The following JPH3 variants were observed in gnomAD, a reference collection of about 807,000 sequenced individuals.
JPH3 encodes junctophilin-3.
In JPH3, 11 loss-of-function variants were observed where a neutral mutation model predicts 59.6. The observed-to-expected ratio is 0.18, with a 90% CI of 0.12 to 0.31. The LOEUF is 0.31. Ranked by LOEUF, JPH3 falls within the 10% of genes least tolerant of loss-of-function variation. JPH3 has a pLI of 1.00. For missense variants in JPH3, 1,202 were observed against 1,105.7 expected (o/e 1.09, Z -1.24); for synonymous variants, 673 against 483.6 (o/e 1.39, Z -5.14).
chr16:87,679,580 G>T (rs891217954), intron 2 of JPH3, among the ~76,000 whole-genome samples: 1 of 151,676 alleles, frequency 6.6e-6, no homozygotes, highest in Non-Finnish European at 1.5e-5. Flanking sequence ...TTAAAACCCT[G>T]CCAATCCTTG....
At chr16:87,648,395 G>A (rs1041275570) in intron 2 of JPH3, among the ~76,000 whole-genome samples, 8 of 152,206 alleles carry the variant, frequency 5.3e-5, no homozygotes, top group African/African-American at 1.7e-4. Flanking sequence ...GACTGGCCCC[G>A]GGCGGGCTCC....
intron 1 of JPH3, among the ~76,000 whole-genome samples, chr16:87,619,758 G>A (rs1007499785): frequency 6.6e-6 from 1 of 152,258 alleles, no homozygotes; most frequent in African/African-American, 2.4e-5. Context: ...CCTGGGGACA[G>A]TGGTGAACAA....
At chr16:87,663,889 C>G (rs115164590) in intron 2 of JPH3, among the ~76,000 whole-genome samples, 10,060 of 152,208 alleles carry the variant, frequency 0.066, 1,123 homozygotes, top group African/African-American at 0.23. Flanking sequence ...CATTCCCCAA[C>G]AAGCCCTGTG....
intron 1 of JPH3, among the ~76,000 whole-genome samples, chr16:87,636,358 G>A (rs982513798): frequency 5.9e-5 from 9 of 152,218 alleles, no homozygotes; most frequent in African/African-American, 1.9e-4. Context: ...CAGACTTTTT[G>A]TTTACTTAAT....
At chr16:87,683,608 C>T (rs2033347447) in intron 2 of JPH3, among the ~76,000 whole-genome samples, 1 of 145,982 alleles carries the variant, frequency 6.9e-6, no homozygotes, top group South Asian at 2.2e-4. Flanking sequence ...CCAGCCCCTC[C>T]CCTTTTTTTT....
At chr16:87,673,573 A>C (rs1003228363) in intron 2 of JPH3, among the ~76,000 whole-genome samples, 1 of 152,220 alleles carries the variant, frequency 6.6e-6, no homozygotes, top group African/African-American at 2.4e-5. Flanking sequence ...ATAGGAGAAC[A>C]TGGAAGACAG....
rs561367443 is a variant in JPH3 at position 87,683,754 on chromosome 16, G to A, written c.1161-388G>A. ...CCCGAGTAGCTGGGACCACAGATGC[G>A]TGCCATCACACCCAGCTAATTTTGT... is the stretch of plus-strand genomic sequence containing the variant. On this transcript the variant is annotated intron_variant, in intron 2 of 4. Transcript: ENST00000284262. Among the ~76,000 whole-genome samples the A allele has an allele frequency of 4.6e-5, 7 of 152,240 alleles. No homozygotes were observed. The South Asian group carries it at 8.3e-4, about 18-fold the overall frequency.
intron 1 of JPH3, among the ~76,000 whole-genome samples, chr16:87,618,609 C>T (rs985328007): frequency 5.9e-5 from 9 of 152,198 alleles, no homozygotes; most frequent in Non-Finnish European, 8.8e-5. Context: ...TACTCGTTCC[C>T]GCCAGCAGCA....
In JPH3 at chr16:87,613,646, T is replaced by G. The variant is rs186508827; in HGVS notation, c.382+10118T>G. Among the ~76,000 whole-genome samples the G allele has an allele frequency of 2.8e-3, 426 of 152,274 alleles. 1 individual carries two copies. Among genetic ancestry groups the G allele is most frequent in the African/African-American group, 8.8e-3 (365 of 41,558 alleles). On this transcript the variant is annotated intron_variant, in intron 1 of 4. Coordinates refer to ENST00000284262, the MANE Select transcript of JPH3 (RefSeq NM_020655.4). ...TATTGTGTTGTTTTTGAATATATTT[T>G]TGATCTGCAGTTGGTTGAATTTGTG...
At chr16:87,658,221 G>A (rs1028256896) in intron 2 of JPH3, among the ~76,000 whole-genome samples, 5 of 152,154 alleles carry the variant, frequency 3.3e-5, no homozygotes, top group African/African-American at 1.2e-4. Flanking sequence ...TCCTGAGGTC[G>A]CAGGGCTACC....
rs890484553 is a variant in JPH3 at position 87,647,806 on chromosome 16, C to G, written c.1160+2771C>G. Among the ~76,000 whole-genome samples the G allele has an allele frequency of 2.6e-5, 4 of 152,222 alleles. No individual in the cohort carries two copies. In the East Asian group the frequency reaches 5.8e-4, roughly 22 times the overall value. ...CACAGGTGCGCCTAGGTGGAGGTCT[C>G]CAGGTCACTGGAACTTAAAGTGTCC... On this transcript the variant is annotated intron_variant, in intron 2 of 4. Transcript: ENST00000284262.
chr16:87,685,582 C>T (rs1239127930), intron 3 of JPH3, among the ~76,000 whole-genome samples: 1 of 152,234 alleles, frequency 6.6e-6, no homozygotes, highest in Non-Finnish European at 1.5e-5. Context: ...TGCAGTGCTG[C>T]GGGATGGACG....
Position 87,695,477 on chromosome 16 carries a change from T to C in JPH3, c.2167-1103T>C, listed in dbSNP as rs553769405. On this transcript the variant is annotated intron_variant, in intron 4 of 4. Transcript: ENST00000284262. The stretch of plus-strand genomic sequence containing the variant: ...GGCTCCGGGGGCTCTGAACAGCTCC[T>C]TACCACAGTGGGGTCTACATCTCCT... 261 of 456,000 alleles carry C rather than the reference T, an allele frequency of 5.7e-4. 1 individual carries two copies. The highest frequency in any genetic ancestry group is 4.0e-3 in the South Asian group (256 of 64,542). 28.2% of individuals were successfully genotyped at this position (456,000 alleles called of 1,614,324 possible).
chr16:87,683,668 G>A (rs562049938), intron 2 of JPH3, among the ~76,000 whole-genome samples: 8 of 150,932 alleles, frequency 5.3e-5, no homozygotes, highest in Middle Eastern at 3.5e-3. Flanking sequence ...GTGCAGTGAC[G>A]CGATCTCAGC....
At position 87,611,897 on chromosome 16, in the gene JPH3, C is replaced by T. The variant is rs759004647; in HGVS notation, c.382+8369C>T. On this transcript the variant is annotated intron_variant, in intron 1 of 4. Transcript: ENST00000284262. The surrounding 1 kb of genome is among the most constrained non-coding windows in gnomAD (Gnocchi z 4.5). The stretch of plus-strand genomic sequence containing the variant: ...AGTCACTAAGAATGTCCCTGGGAGA[C>T]GGTTAGAAATGCAGCGTGTCAGGCC... Among the ~76,000 whole-genome samples the T allele has an allele frequency of 9.2e-5, 14 of 152,202 alleles. No homozygotes were observed. The highest frequency in any genetic ancestry group is 3.3e-4 in the Admixed American group (5 of 15,276).
intron 1 of JPH3, among the ~76,000 whole-genome samples, chr16:87,633,692 G>A (rs892555691): frequency 1.3e-5 from 2 of 151,850 alleles, no homozygotes; most frequent in South Asian, 2.1e-4. Context: ...CCAGCTACTC[G>A]GGAGTCTGAG....
At chr16:87,691,954 G>A in intron 4 of JPH3, among the ~76,000 whole-genome samples, 1 of 152,122 alleles carries the variant, frequency 6.6e-6, no homozygotes, top group East Asian at 1.9e-4. Flanking sequence ...ACTTTTGGGT[G>A]CTTTTAAATG....
intron 2 of JPH3, among the ~76,000 whole-genome samples, chr16:87,651,685 C>T (rs2032328801): frequency 6.6e-6 from 1 of 152,234 alleles, no homozygotes; most frequent in Admixed American, 6.5e-5. Context: ...AAGCTCACGA[C>T]CACACTCGAA....
chr16:87,669,713 G>T (rs771528954), intron 2 of JPH3, among the ~76,000 whole-genome samples: 1 of 152,162 alleles, frequency 6.6e-6, no homozygotes, highest in Non-Finnish European at 1.5e-5. Flanking sequence ...GCAGGACCCC[G>T]TAGGGAGATG....
Sources: gnomAD v4.1 joint callset for allele counts (sites outside exome capture counted in the v4.1 genomes callset) on GRCh38, gnomAD v4.1.1 for gene constraint, Gnocchi (gnomAD v3.1) non-coding constraint, MANE v1.5 for transcripts, NCBI Gene and HGNC (gene_info 2026-07-23, HGNC 2026-07-21) for gene names.